Variants in ERC2 observed in about 807,000 individuals in gnomAD.
ERC2 encodes the protein ERC protein 2.
ERC2 carries 42 observed loss-of-function variants against 114.8 expected under a neutral mutation model. The observed-to-expected ratio is 0.37, with a 90% CI of 0.29 to 0.47. The LOEUF is 0.47. Ranked by LOEUF, ERC2 falls within the 20% of genes least tolerant of loss-of-function variation. ERC2 has a pLI of 0.99. For synonymous variants in ERC2, 454 were observed against 425.5 expected, an observed-to-expected ratio of 1.07 and a Z score of -0.82; for missense variants, 939 against 1,150.7, an observed-to-expected ratio of 0.82 and a Z score of 2.66.
chr3:56,106,391 G>A (rs998525112), intron 6 of ERC2, among the ~76,000 whole-genome samples: 1 of 152,210 alleles, frequency 6.6e-6, no homozygotes, highest in Admixed American at 6.5e-5. Context: ...TCTGCAACTG[G>A]GAAGAAGGAA....
At chr3:55,590,733 CAT>C (rs1246826502) in intron 17 of ERC2, among the ~76,000 whole-genome samples, 1 of 152,236 alleles carries the variant, frequency 6.6e-6, no homozygotes, top group Non-Finnish European at 1.5e-5. Context: ...TTGGGAAAGA[CAT>C]ATACCAAATT....
At chr3:56,276,717 C>T (rs1206772579) in intron 3 of ERC2, among the ~76,000 whole-genome samples, 16 of 152,252 alleles carry the variant, frequency 1.1e-4, no homozygotes, top group Admixed American at 8.5e-4. Flanking sequence ...GAAAGAACAA[C>T]GCATGTGCTA....
intron 17 of ERC2, among the ~76,000 whole-genome samples, chr3:55,607,619 T>TG (rs1467990663): frequency 6.7e-6 from 1 of 150,274 alleles, no homozygotes; most frequent in Admixed American, 6.6e-5. Flanking sequence ...AGTGTGTTTT[T>TG]TTTTTTTTTT....
At chr3:55,968,316 A>T (rs1272857688) in intron 12 of ERC2, among the ~76,000 whole-genome samples, 2 of 152,226 alleles carry the variant, frequency 1.3e-5, no homozygotes, top group African/African-American at 2.4e-5. Context: ...ACCTGAAAAC[A>T]TGATGACTCA....
chr3:56,122,834 C>G (rs1178084525), intron 6 of ERC2, among the ~76,000 whole-genome samples: 1 of 152,172 alleles, frequency 6.6e-6, no homozygotes, highest in African/African-American at 2.4e-5. Context: ...ACCCTCCTGT[C>G]TCTCCACTTC....
intron 6 of ERC2, among the ~76,000 whole-genome samples, chr3:56,138,667 A>G (rs781459014): frequency 2.6e-5 from 4 of 152,264 alleles, no homozygotes; most frequent in Non-Finnish European, 2.9e-5. Context: ...AAGAGAGAGC[A>G]TGCATGTTGA....
chr3:55,685,165 G>A (rs1280563199), intron 16 of ERC2, among the ~76,000 whole-genome samples: 1 of 152,008 alleles, frequency 6.6e-6, no homozygotes, highest in Non-Finnish European at 1.5e-5. Flanking sequence ...TTTATGCATT[G>A]AAAAAAGTAT....
intron 17 of ERC2, among the ~76,000 whole-genome samples, chr3:55,676,322 G>A (rs886394792): frequency 4.0e-4 from 61 of 151,916 alleles, no homozygotes; most frequent in East Asian, 3.7e-3. Context: ...ATAAGATCAC[G>A]CATGTCTCTC....
At chr3:55,523,765 C>G (rs964183683) in intron 17 of ERC2, among the ~76,000 whole-genome samples, 2 of 152,188 alleles carry the variant, frequency 1.3e-5, no homozygotes, top group Non-Finnish European at 2.9e-5. Context: ...AAGAAGAGAG[C>G]TAACTAAGTT....
chr3:55,640,753 C>T (rs2060143412), intron 17 of ERC2, among the ~76,000 whole-genome samples: 2 of 152,180 alleles, frequency 1.3e-5, no homozygotes, highest in Non-Finnish European at 2.9e-5. Context: ...CCCTCTAGCC[C>T]TTCAACTCCA....
chr3:55,894,058 G>A (rs1450769980), intron 13 of ERC2, among the ~76,000 whole-genome samples: 1 of 151,996 alleles, frequency 6.6e-6, no homozygotes, highest in Admixed American at 6.5e-5. Flanking sequence ...GCAGCGTAGT[G>A]GCTTAGAAAC....
At chr3:56,453,190 G>A (rs768803983) in intron 1 of ERC2, among the ~76,000 whole-genome samples, 2 of 152,150 alleles carry the variant, frequency 1.3e-5, no homozygotes, top group Non-Finnish European at 2.9e-5. Context: ...ATGACATCTG[G>A]CTTGGCCGTA....
At chr3:56,117,926 G>C (rs957950123) in intron 6 of ERC2, among the ~76,000 whole-genome samples, 1 of 152,218 alleles carries the variant, frequency 6.6e-6, no homozygotes, top group Non-Finnish European at 1.5e-5. Context: ...GCAGATTTTA[G>C]ACAGTGAATT....
At chr3:56,210,224 T>G (rs1483469945) in intron 3 of ERC2, among the ~76,000 whole-genome samples, 1 of 152,188 alleles carries the variant, frequency 6.6e-6, no homozygotes, top group Non-Finnish European at 1.5e-5. Context: ...TATGGAGATG[T>G]GCATTTGTGT....
chr3:56,115,671 T>A (rs1396145388), intron 6 of ERC2, among the ~76,000 whole-genome samples: 1 of 152,162 alleles, frequency 6.6e-6, no homozygotes, highest in East Asian at 1.9e-4. Flanking sequence ...AGTGTATGAA[T>A]CATGCCTTTT....
intron 15 of ERC2, among the ~76,000 whole-genome samples, chr3:55,724,249 C>T (rs1312872595): frequency 6.6e-6 from 1 of 152,186 alleles, no homozygotes; most frequent in Non-Finnish European, 1.5e-5. Flanking sequence ...GTCGCCCTTC[C>T]CAGCCTGCAC....
At chr3:55,698,595 G>GT (rs1423021192) in intron 16 of ERC2, among the ~76,000 whole-genome samples, 11 of 152,152 alleles carry the variant, frequency 7.2e-5, no homozygotes, top group Non-Finnish European at 1.3e-4. Flanking sequence ...CTATGGAAAT[G>GT]TATCAGTTAC....
intron 3 of ERC2, among the ~76,000 whole-genome samples, chr3:56,215,556 AC>A (rs1349493358): frequency 2.6e-5 from 4 of 152,156 alleles, no homozygotes; most frequent in Admixed American, 2.6e-4. Context: ...AGAGTTTGAC[AC>A]CCCACTGTCA....
chr3:55,726,565 G>A (rs1027759380), intron 15 of ERC2, among the ~76,000 whole-genome samples: 11 of 152,110 alleles, frequency 7.2e-5, no homozygotes, highest in African/African-American at 2.7e-4. Flanking sequence ...ACACATTCCA[G>A]GGCAGCCTCT....
Sources: allele counts gnomAD v4.1 joint callset (sites outside exome capture counted in the v4.1 genomes callset), GRCh38; gene constraint gnomAD v4.1.1; transcripts MANE v1.5; gene names NCBI Gene and HGNC (gene_info 2026-07-23, HGNC 2026-07-21).